CACNA1G: variants seen among roughly 807,000 people sequenced by gnomAD.
CACNA1G encodes the protein voltage-dependent T-type calcium channel subunit alpha-1G.
Under a neutral mutation model 219.4 loss-of-function variants are expected in CACNA1G, and 67 were observed. That is an observed-to-expected ratio of 0.31 (90% CI 0.25 to 0.37). The LOEUF is 0.37. Among genes scored for constraint, CACNA1G ranks in the 10% least tolerant of loss-of-function variants. CACNA1G has a pLI of 1.00. For missense variants in CACNA1G, 2,380 were observed against 3,231.4 expected, an observed-to-expected ratio of 0.74 and a Z score of 6.39; for synonymous variants, 1,296 against 1,345.3, an observed-to-expected ratio of 0.96 and a Z score of 0.80.
intron 5 of CACNA1G, 126 bp downstream of exon 5, chr17:50,572,163 A>G (rs1288889607): frequency 1.8e-6 from 2 of 1,131,522 alleles, no homozygotes; most frequent in African/African-American, 3.1e-5. Context: ...TCTGGTTCTC[A>G]AACTTGGCTA....
intron 1 of CACNA1G, among the ~76,000 whole-genome samples, chr17:50,567,491 T>C (rs1299447882): frequency 6.6e-6 from 1 of 151,986 alleles, no homozygotes; most frequent in Non-Finnish European, 1.5e-5. Context: ...GGAAGGTCCA[T>C]AGGTTCCTGA....
chr17:50,601,616 A>G (rs1184479824), intron 19 of CACNA1G, among the ~76,000 whole-genome samples: 1 of 152,166 alleles, frequency 6.6e-6, no homozygotes, highest in Admixed American at 6.5e-5. Context: ...TTCAGGGGCC[A>G]TAGTGGGGAC....
At chr17:50,590,174 G>A (rs1411182678) in intron 9 of CACNA1G, among the ~76,000 whole-genome samples, 1 of 152,174 alleles carries the variant, frequency 6.6e-6, no homozygotes, top group Non-Finnish European at 1.5e-5. Context: ...GCTCCCAGCA[G>A]GAGATAGGGC....
intron 28 of CACNA1G, among the ~76,000 whole-genome samples, chr17:50,616,849 CGTTTTGTTTT>C (rs201576616): frequency 1.3e-5 from 2 of 151,922 alleles, no homozygotes; most frequent in Admixed American, 6.6e-5. Context: ...GGGTGTTTTT[CGTTTTGTTTT>C]GTTTTGTTTT....
At chr17:50,620,584 C>T (rs2051608486) in intron 34 of CACNA1G, among the ~76,000 whole-genome samples, 1 of 152,208 alleles carries the variant, frequency 6.6e-6, no homozygotes, top group Non-Finnish European at 1.5e-5. Context: ...AGGGCCCCAC[C>T]CTCCCTCCAC....
chr17:50,623,864 G>T (rs768820129), intron 35 of CACNA1G, 43 bp from the exon 36 acceptor site: 1 of 1,583,872 alleles, frequency 6.3e-7, no homozygotes, highest in African/African-American at 1.3e-5. Flanking sequence ...CCAAACCCAC[G>T]CACACCCTCT....
rs1318828815 is a variant in CACNA1G, at chr17:50,575,707, G to A, written c.1305G>A (p.Glu435=). 6.2e-7 allele frequency: 1 copy of A among 1,604,518 alleles called. No individual in the cohort carries two copies. Among genetic ancestry groups the A allele is most frequent in the Admixed American group, 1.7e-5 (1 of 58,498 alleles). ...CTGAGCCCGGCAGCTGCTATGAGGA[G>A]CTGCTCAAGTACCTGGTGTACATCC... is the stretch of plus-strand genomic sequence containing the variant. ...SFSEPGSCYE[E]LLKYLVYILR... The change falls in exon 8 of 38, where the codon GAG becomes GAA. Residue 435 remains glutamate (E), a synonymous_variant. Coordinates refer to ENST00000359106, the MANE Select transcript of CACNA1G (RefSeq NM_018896.5).
Position 50,607,927 on chromosome 17 carries a change from A to C in CACNA1G, c.4613A>C (p.Glu1538Ala). ...VLNMFVGVVVENFHKCRQHQE... is the reference protein window; with the variant it reads ...VLNMFVGVVVANFHKCRQHQE... ...AACATGTTTGTGGGTGTGGTGGTGG[A>C]GAACTTCCACAAGTGTCGGCAGCAC... The change falls in exon 25 of 38, where the codon GAG becomes GCG. Residue 1538 changes from glutamate to alanine, a missense_variant. Physicochemically the swap from Glu to Ala is moderately radical, Grantham distance 107 (BLOSUM62 -1). This residue lies in a region of CACNA1G where 153 missense variants were observed against 374.9 expected (regional missense o/e 0.41). Transcript: ENST00000359106. 6.2e-7 allele frequency: 1 copy of C among 1,614,020 alleles called. No individual in the cohort carries two copies.
Position 50,575,841 on chromosome 17 carries a change from G to A in CACNA1G, c.1439G>A (p.Ser480Asn). ...GGGGGCCAGGAGACCCAGCCCAGCA[G>A]CAGCTGCTCTCGCTCCCACCGCCGC... ...PLGGQETQPS[S>N]SCSRSHRRLS... is the part of the protein sequence containing the mutation. Residue 480 changes from serine (S) to asparagine (N), a missense_variant, in exon 8 of 38, where the codon AGC becomes AAC. Physicochemically the swap from Ser to Asn is conservative, Grantham distance 46. Coordinates refer to ENST00000359106, the MANE Select transcript of CACNA1G (RefSeq NM_018896.5). 1 of 1,549,946 alleles carries A rather than the reference G, an allele frequency of 6.5e-7. No homozygotes were observed. Among genetic ancestry groups the A allele is most frequent in the Non-Finnish European group, 8.7e-7 (1 of 1,147,260 alleles).
intron 9 of CACNA1G, among the ~76,000 whole-genome samples, chr17:50,585,704 T>G (rs2042866860): frequency 6.6e-6 from 1 of 152,064 alleles, no homozygotes; most frequent in South Asian, 2.1e-4. Context: ...AGGACCATGA[T>G]CTACATGATG....
rs1248225112 is a variant in CACNA1G, at chr17:50,617,981, A to T, written c.5226+52A>T. 2 of 1,612,282 alleles carry T rather than the reference A, an allele frequency of 1.2e-6. No homozygotes were observed. Among genetic ancestry groups the T allele is most frequent in the Non-Finnish European group, 1.7e-6 (2 of 1,178,630 alleles). ...GGAGGGGGAGGTGCTTTCCAGAGGG[A>T]AGGGGCTCAGAGAAGCTGACTGGGA... On this transcript the variant is annotated intron_variant, in intron 30 of 37. Transcript: ENST00000359106. The surrounding 1 kb of genome is among the most constrained non-coding windows in gnomAD (Gnocchi z 5.8).
intron 25 of CACNA1G, 99 bp downstream of exon 25, chr17:50,608,118 G>A (rs982648050): frequency 1.3e-5 from 14 of 1,107,692 alleles, no homozygotes; most frequent in Admixed American, 4.7e-5. Flanking sequence ...CGCTGGGGCC[G>A]GGGGCAGGGA....
rs1275967572 is a variant in CACNA1G at position 50,575,895 on chromosome 17, A to T, written c.1493A>T (p.His498Leu). ...TCCGTCCACCACCTGGTGCACCACC[A>T]CCACCACCATCACCACCACTACCAC... ...RLSVHHLVHH[H>L]HHHHHHYHLG... The change falls in exon 8 of 38, where the codon CAC becomes CTC. Residue 498 changes from histidine (H) to leucine (L), a missense_variant. His to Leu is a moderately conservative substitution (Grantham distance 99). Coordinates refer to ENST00000359106, the MANE Select transcript of CACNA1G (RefSeq NM_018896.5). 3.2e-6 allele frequency: 5 copies of T among 1,556,690 alleles called. No homozygotes were observed. In the South Asian group the frequency reaches 5.9e-5, roughly 18 times the overall value.
intron 1 of CACNA1G, among the ~76,000 whole-genome samples, chr17:50,566,136 A>T (rs1019452541): frequency 3.3e-5 from 5 of 152,214 alleles, no homozygotes; most frequent in African/African-American, 1.2e-4. Context: ...ACAAGACAAC[A>T]GCCTCAGTCA....
In CACNA1G at chr17:50,606,403, G is replaced by A. The variant is rs550309187; in HGVS notation, c.4422+380G>A. 114 of 582,302 alleles carry A rather than the reference G, an allele frequency of 2.0e-4. 2 individuals carry two copies. The South Asian group carries it at 2.0e-3, about 10-fold the overall frequency. The allele number at this position is 582,302 out of a possible 1,614,324, so 36.1% of individuals were successfully genotyped here. Reference sequence around the variant, plus strand: ...GTCAGCTCAATGACCTGGAGCAGCTGACTTACCAGGGCCTCAGTTTCATTA... The same window carrying A: ...GTCAGCTCAATGACCTGGAGCAGCTAACTTACCAGGGCCTCAGTTTCATTA... On this transcript the variant is annotated intron_variant, in intron 23 of 37. Transcript: ENST00000359106.
In CACNA1G at chr17:50,591,836, A is replaced by G. The variant is rs761939909; in HGVS notation, c.2737A>G (p.Ile913Val). The G allele has an allele frequency of 2.5e-6, 4 of 1,613,940 alleles. No individual in the cohort carries two copies. The highest frequency in any genetic ancestry group is 2.5e-6 in the Non-Finnish European group (3 of 1,179,856). ...GAATTTTGACTCCTTGCTCTGGGCC[A>G]TCGTCACTGTCTTTCAGGTGCGAGG... ...RKNFDSLLWA[I>V]VTVFQILTQE... Residue 913 changes from isoleucine (I) to valine (V), a missense_variant, in exon 12 of 38, where the codon ATC becomes GTC. Transcript: ENST00000359106.
At position 50,602,790 on chromosome 17, in the gene CACNA1G, C is replaced by T. The variant is rs145183526; in HGVS notation, c.3916-30C>T. 2.4e-4 allele frequency: 390 copies of T among 1,607,730 alleles called. 3 individuals are homozygous for T. The East Asian group carries it at 8.4e-3, about 35-fold the overall frequency. ...TGGCCCAAGGGTGGGGGCTTCCTGGCGGGCAACCCCTGCCTCCCCTCTCTT... is the reference window on the plus strand; with the variant it reads ...TGGCCCAAGGGTGGGGGCTTCCTGGTGGGCAACCCCTGCCTCCCCTCTCTT... On this transcript the variant is annotated intron_variant, in intron 19 of 37. Transcript: ENST00000359106.
chr17:50,583,231 A>G (rs1405445102), intron 9 of CACNA1G, among the ~76,000 whole-genome samples: 1 of 152,114 alleles, frequency 6.6e-6, no homozygotes, highest in African/African-American at 2.4e-5. Context: ...AGGACCAAGC[A>G]GAGCTTTGGG....
chr17:50,612,964 T>A (rs2049557812), intron 26 of CACNA1G, among the ~76,000 whole-genome samples: 1 of 152,200 alleles, frequency 6.6e-6, no homozygotes, highest in Admixed American at 6.5e-5. Context: ...TTTCTATTTC[T>A]TCTCCACACC....
Sources: gnomAD v4.1 joint callset for allele counts (sites outside exome capture counted in the v4.1 genomes callset) on GRCh38, gnomAD v4.1.1 for gene constraint, gnomAD v4.1.1 regional missense constraint, Gnocchi (gnomAD v3.1) non-coding constraint, MANE v1.5 for transcripts, NCBI Gene and HGNC (gene_info 2026-07-23, HGNC 2026-07-21) for gene names.